Variants in SBK2 observed in about 807,000 individuals in gnomAD.
SBK2 encodes the protein SH3 domain binding kinase family member 2.
Under a neutral mutation model 15.9 loss-of-function variants are expected in SBK2, and 18 were observed. The observed-to-expected ratio is 1.13, with a 90% confidence interval of 0.78 to 1.68. The LOEUF (loss-of-function observed/expected upper bound fraction) is 1.68. SBK2 is among the 40% of genes most tolerant of loss of function. SBK2 has a pLI of 0.00. For missense variants in SBK2, 581 were observed against 510.9 expected, an observed-to-expected ratio of 1.14 and a Z score of -1.32; for synonymous variants, 284 against 246.8, an observed-to-expected ratio of 1.15 and a Z score of -1.41.
chr19:55,535,090 G>A (rs1314750870), intron 2 of SBK2, among the ~76,000 whole-genome samples: 1 of 152,132 alleles, frequency 6.6e-6, no homozygotes, highest in South Asian at 2.1e-4. Flanking sequence ...TGTTATGGCA[G>A]CCCCAGCAGA....
chr19:55,529,803 CCCAGGTGCTCCCTGAT>C lies in SBK2; in HGVS notation c.961_976del (p.Ile321GlyfsTer79). 6.2e-7 allele frequency: 1 copy of C among 1,604,504 alleles called. No homozygotes were observed. The highest frequency in any genetic ancestry group is 8.5e-7 in the Non-Finnish European group (1 of 1,179,656). On this transcript the variant is annotated frameshift_variant, in exon 4 of 4. Transcript: ENST00000413299. LOFTEE classifies it low-confidence loss of function (END_TRUNC). ...GCCCTCCCGCTGCCTCCAGGGGCGC[CCCAGGTGCTCCCTGAT>C]GGCGATCACAGCGCTCCTCCTTCGG...
In SBK2 at chr19:55,536,018, AC is replaced by A. The variant is rs1284608461; in HGVS notation, c.253+23del. ...GCCCCGCCCCCAGCTGAACCCTGCCACCTCTGGCCCCACAGCCTCGTACCTT... is the reference window on the plus strand; with the variant it reads ...GCCCCGCCCCCAGCTGAACCCTGCCACTCTGGCCCCACAGCCTCGTACCTT... On this transcript the variant is annotated intron_variant, in intron 2 of 3. Transcript: ENST00000413299. 2.8e-6 allele frequency: 4 copies of A among 1,421,380 alleles called. No individual in the cohort carries two copies. The African/African-American group carries it at 4.4e-5, about 16-fold the overall frequency. The allele number at this position is 1,421,380 out of a possible 1,614,324, so 88.0% of individuals were successfully genotyped here. A position where few individuals can be genotyped will look rare whatever the true frequency, so the allele number is the denominator to read the frequency against.
In SBK2 at chr19:55,529,982, G is replaced by T; in HGVS notation, c.798C>A (p.Pro266=). The part of the protein sequence containing the change: ...LLTGYFPWDR[P]LAEADPFYED... ...CGTAGAAGGGGTCGGCCTCGGCCAG[G>T]GGCCGGTCCCAGGGGAAGTAGCCCG... Residue 266 remains proline, a synonymous_variant, in exon 4 of 4, where the codon CCC becomes CCA. Transcript: ENST00000413299. The T allele has an allele frequency of 6.5e-7, 1 of 1,527,676 alleles. No homozygotes were observed. The highest frequency in any genetic ancestry group is 8.8e-7 in the Non-Finnish European group (1 of 1,139,540). 94.6% of individuals were successfully genotyped at this position (1,527,676 alleles called of 1,614,324 possible).
chr19:55,531,021 G>A lies in SBK2; in HGVS notation c.456+122C>T, dbSNP rs1025392299. The A allele has an allele frequency of 5.8e-6, 5 of 856,834 alleles. No homozygotes were observed. The Admixed American group carries it at 6.8e-5, about 12-fold the overall frequency. 53.1% of individuals were successfully genotyped at this position (856,834 alleles called of 1,614,324 possible). On this transcript the variant is annotated intron_variant, in intron 3 of 3. Coordinates refer to ENST00000413299, the MANE Select transcript of SBK2 (RefSeq NM_001370096.2). ...TGTGGGCCCCACGAGGGGCCTCCGG[G>A]GGGTAGGGGAGGCCCAGGGAGGCCC...
chr19:55,528,947 A>G lies in SBK2; in HGVS notation c.*786T>C, dbSNP rs993429087. Among the ~76,000 whole-genome samples the G allele has an allele frequency of 1.3e-5, 2 of 152,182 alleles. No individual in the cohort carries two copies. The highest frequency in any genetic ancestry group is 2.9e-5 in the Non-Finnish European group (2 of 68,036). On this transcript the variant is annotated 3_prime_UTR_variant, in exon 4 of 4. Coordinates refer to ENST00000413299, the MANE Select transcript of SBK2 (RefSeq NM_001370096.2). ...GATACACGTCCTAGAGCAACAGCAG[A>G]GTGGGGGGATGAGGAGGCAGACAGT...
chr19:55,529,851 G>A lies in SBK2; in HGVS notation c.929C>T (p.Pro310Leu). 6.2e-7 allele frequency: 1 copy of A among 1,602,302 alleles called. No homozygotes were observed. Among genetic ancestry groups the A allele is most frequent in the East Asian group, 2.2e-5 (1 of 44,644 alleles). Residue 310 changes from proline (P) to leucine (L), a missense_variant, in exon 4 of 4, where the codon CCT (proline) becomes CTT (leucine). Transcript: ENST00000413299. ...ADALLRGLLD[P>L]HPRRRSAVIA... ...CACAGCGCTCCTCCTTCGGGGGTGA[G>A]GGTCCAGCAGCCCCCGCAGAAGCGC...
intron 2 of SBK2, among the ~76,000 whole-genome samples, chr19:55,532,694 G>T (rs541502549): frequency 6.7e-6 from 1 of 149,364 alleles, no homozygotes; most frequent in Non-Finnish European, 1.5e-5. Flanking sequence ...TCCGCCTCCC[G>T]GGCTCAAGCG....
chr19:55,533,819 C>A (rs1599943731), intron 2 of SBK2, among the ~76,000 whole-genome samples: 1 of 152,050 alleles, frequency 6.6e-6, no homozygotes, highest in Non-Finnish European at 1.5e-5. Context: ...GCCACGCCAC[C>A]CGGTGTTGGC....
At chr19:55,536,354 C>CGGGGGG (rs1988404703) in intron 1 of SBK2, 58 bp from the exon 2 acceptor site, 1 of 1,357,870 alleles carries the variant, frequency 7.4e-7, no homozygotes, top group South Asian at 1.7e-5. Context: ...GAGGAGGGGA[C>CGGGGGG]TGGGGGTCTG....
At position 55,529,736 on chromosome 19, in the gene SBK2, C is replaced by T; in HGVS notation, c.1044G>A (p.Gln348=). The stretch of plus-strand genomic sequence containing the variant: ...TTCTGCATCCCCCGGGGCCTCCTCA[C>T]TGCCCAGCCTCCTCTTCCACCGCTC... The part of the protein sequence containing the change: ...AVGAVEEEAG[Q] Residue 348 remains glutamine (Q), a synonymous_variant, in exon 4 of 4, where the codon CAG becomes CAA. Coordinates refer to ENST00000413299, the MANE Select transcript of SBK2 (RefSeq NM_001370096.2). The T allele has an allele frequency of 6.3e-7, 1 of 1,599,996 alleles. No individual in the cohort carries two copies.
intron 2 of SBK2, among the ~76,000 whole-genome samples, chr19:55,534,371 A>G (rs773919650): frequency 2.6e-5 from 4 of 152,086 alleles, no homozygotes; most frequent in East Asian, 1.9e-4. Flanking sequence ...CCCTGCTGAC[A>G]TCTTGATCTC....
Position 55,531,189 on chromosome 19 carries a change from G to GTCA in SBK2, c.407_409dup (p.Leu136_Thr137insMet). The GTCA allele has an allele frequency of 6.2e-7, 1 of 1,613,166 alleles. No homozygotes were observed. Among genetic ancestry groups the GTCA allele is most frequent in the Non-Finnish European group, 8.5e-7 (1 of 1,179,970 alleles). ...GAGGTCCCCGTGCAGGACGGGCTCC[G>GTCA]TCAGGAAGCTGTAGGAGTGTGCCGA... On this transcript the variant is annotated inframe_insertion, in exon 3 of 4. Coordinates refer to ENST00000413299, the MANE Select transcript of SBK2 (RefSeq NM_001370096.2).
In SBK2 at chr19:55,531,305, C is replaced by G; in HGVS notation, c.294G>C (p.Thr98=). The G allele has an allele frequency of 6.2e-7, 1 of 1,612,742 alleles. No homozygotes were observed. Among genetic ancestry groups the G allele is most frequent in the Non-Finnish European group, 8.5e-7 (1 of 1,179,550 alleles). The change falls in exon 3 of 4, where the codon ACG becomes ACC. Residue 98 remains threonine, a synonymous_variant. Transcript: ENST00000413299. ...LALKQLPKPR[T]SLRGFLYEFC... ...ACTCGTACAGGAAGCCACGGAGGGACGTGCGGGGTTTCGGGAGCTGCTTCA... is the reference window on the plus strand; with the variant it reads ...ACTCGTACAGGAAGCCACGGAGGGAGGTGCGGGGTTTCGGGAGCTGCTTCA...
chr19:55,530,253 G>A lies in SBK2; in HGVS notation c.527C>T (p.Ala176Val), dbSNP rs1426262339. The A allele has an allele frequency of 1.3e-6, 2 of 1,512,414 alleles. No individual in the cohort carries two copies. Among genetic ancestry groups the A allele is most frequent in the Admixed American group, 2.3e-5 (1 of 44,272 alleles). 93.7% of individuals were successfully genotyped at this position (1,512,414 alleles called of 1,614,324 possible). Residue 176 changes from alanine (A) to valine (V), a missense_variant, in exon 4 of 4, where the codon GCC becomes GTC. Ala to Val is a moderately conservative substitution (Grantham distance 64, BLOSUM62 0). Transcript: ENST00000413299. ...CAGGTCCCGGTACACCAGGCCGCGGGCGTGGATGTACTCCAGGGCGGAGGC... is the reference window on the plus strand; with the variant it reads ...CAGGTCCCGGTACACCAGGCCGCGGACGTGGATGTACTCCAGGGCGGAGGC... ...QLASALEYIH[A>V]RGLVYRDLKP...
Position 55,529,699 on chromosome 19 carries a change from GGCGGCTT to G in SBK2, c.*27_*33del. The G allele has an allele frequency of 6.3e-7, 1 of 1,588,468 alleles. No homozygotes were observed. Among genetic ancestry groups the G allele is most frequent in the African/African-American group, 1.3e-5 (1 of 74,248 alleles). On this transcript the variant is annotated 3_prime_UTR_variant, in exon 4 of 4. Coordinates refer to ENST00000413299, the MANE Select transcript of SBK2 (RefSeq NM_001370096.2). ...CGTTGGCCTTGGGGGCCTCGGGTGG[GGCGGCTT>G]CCCTTTCTGCATCCCCCGGGGCCTC...
chr19:55,536,088 GCC>G lies in SBK2; in HGVS notation c.205_206del (p.Gly69ProfsTer429). On this transcript the variant is annotated frameshift_variant, in exon 2 of 4. Coordinates refer to ENST00000413299, the MANE Select transcript of SBK2 (RefSeq NM_001370096.2). LOFTEE classifies it high-confidence loss of function. ...DELYEEVRPL[G>X]QGCYGRVLLV... The stretch of plus-strand genomic sequence containing the variant: ...GAAGGACGCGGCCATAGCAACCCTG[GCC>G]CAGGGGACGCACTTCCTCGTAGAGC... 1 of 1,519,982 alleles carries G rather than the reference GCC, an allele frequency of 6.6e-7. No homozygotes were observed. Among genetic ancestry groups the G allele is most frequent in the Non-Finnish European group, 8.9e-7 (1 of 1,127,084 alleles). 94.2% of individuals were successfully genotyped at this position (1,519,982 alleles called of 1,614,324 possible).
At position 55,530,039 on chromosome 19, in the gene SBK2, C is replaced by T. The variant is rs1988210630; in HGVS notation, c.741G>A (p.Trp247Ter). 5 of 1,486,218 alleles carry T rather than the reference C, an allele frequency of 3.4e-6. No homozygotes were observed. Among genetic ancestry groups the T allele is most frequent in the African/African-American group, 1.4e-5 (1 of 68,974 alleles). The allele number at this position is 1,486,218 out of a possible 1,614,324, so 92.1% of individuals were successfully genotyped here. The change falls in exon 4 of 4, where the codon TGG becomes TGA. Residue 247 changes from tryptophan to a stop codon, truncating the protein, a stop_gained. Transcript: ENST00000413299. LOFTEE classifies it low-confidence loss of function (END_TRUNC). ...GLPIQPALDA[W>*]ALGVLLFCLL... Reference sequence around the variant, plus strand: ...GGCAGAAGAGCAGGACGCCCAGCGCCCAGGCGTCCAGGGCGGGCTGAATGG... The same window carrying T: ...GGCAGAAGAGCAGGACGCCCAGCGCTCAGGCGTCCAGGGCGGGCTGAATGG...
rs1398084149 is a variant in SBK2 at position 55,529,770 on chromosome 19, T to C, written c.1010A>G (p.Glu337Gly). 1 of 1,602,970 alleles carries C rather than the reference T, an allele frequency of 6.2e-7. No individual in the cohort carries two copies. Among genetic ancestry groups the C allele is most frequent in the South Asian group, 1.1e-5 (1 of 91,060 alleles). Residue 337 changes from glutamate to glycine, a missense_variant, in exon 4 of 4, where the codon GAG becomes GGG. Coordinates refer to ENST00000413299, the MANE Select transcript of SBK2 (RefSeq NM_001370096.2). ...RPWRQREGEA[E>G]AVGAVEEEAG... is the part of the protein sequence containing the mutation. ...CTCCTCTTCCACCGCTCCCACTGCC[T>C]CCGCCTCGCCCTCCCGCTGCCTCCA...
chr19:55,529,639 C>CAT lies in SBK2; in HGVS notation c.*92_*93dup. The CAT allele has an allele frequency of 6.8e-7, 1 of 1,474,378 alleles. No homozygotes were observed. The highest frequency in any genetic ancestry group is 1.3e-5 in the South Asian group (1 of 75,556). The allele number at this position is 1,474,378 out of a possible 1,614,324, so 91.3% of individuals were successfully genotyped here. A position where few individuals can be genotyped will look rare whatever the true frequency, so the allele number is the denominator to read the frequency against. On this transcript the variant is annotated 3_prime_UTR_variant, in exon 4 of 4. Coordinates refer to ENST00000413299, the MANE Select transcript of SBK2 (RefSeq NM_001370096.2). ...GGACGCCGAGGGGAATCCCAAGCCCCATGGATGAAAACACACCGAGGAGAC... is the reference window on the plus strand; with the variant it reads ...GGACGCCGAGGGGAATCCCAAGCCCCATATGGATGAAAACACACCGAGGAGAC...
Sources: allele counts gnomAD v4.1 joint callset (sites outside exome capture counted in the v4.1 genomes callset), GRCh38; gene constraint gnomAD v4.1.1; transcripts MANE v1.5; gene names NCBI Gene and HGNC (gene_info 2026-07-23, HGNC 2026-07-21).